Variants in HGF observed in about 807,000 individuals in gnomAD.
HGF encodes hepatocyte growth factor.
Under a neutral mutation model 111.6 loss-of-function variants are expected in HGF, and 39 were observed. That is an observed-to-expected ratio of 0.35 (90% CI 0.27 to 0.46). The LOEUF is 0.46. Among genes scored for constraint, HGF ranks in the 20% least tolerant of loss-of-function variants. HGF has a pLI of 1.00. For missense variants in HGF, 735 were observed against 910.5 expected, an observed-to-expected ratio of 0.81 and a Z score of 2.48; for synonymous variants, 285 against 294.8, an observed-to-expected ratio of 0.97 and a Z score of 0.34.
intron 5 of HGF, among the ~76,000 whole-genome samples, chr7:81,748,760 A>G (rs967407023): frequency 6.6e-6 from 1 of 152,220 alleles, no homozygotes; most frequent in Non-Finnish European, 1.5e-5. Flanking sequence ...CATCGGTTCA[A>G]TATTTGTTCT....
chr7:81,763,081 T>C (rs1789180514), intron 1 of HGF: 2 of 549,630 alleles, frequency 3.6e-6, no homozygotes, highest in Admixed American at 3.3e-5. Flanking sequence ...TAACTTGTCA[T>C]GTAGAGTCAC....
At chr7:81,735,767 C>T (rs1398273701) in intron 7 of HGF, among the ~76,000 whole-genome samples, 1 of 152,094 alleles carries the variant, frequency 6.6e-6, no homozygotes, top group African/African-American at 2.4e-5. Context: ...TATCTTCTCA[C>T]ATTGCTGGAG....
chr7:81,725,278 A>G (rs1285082956), intron 9 of HGF, among the ~76,000 whole-genome samples: 2 of 152,162 alleles, frequency 1.3e-5, no homozygotes, highest in East Asian at 1.9e-4. Context: ...ACTACTCTTC[A>G]TCTTACTTAT....
At chr7:81,758,881 T>C in intron 2 of HGF, 77 bp from the exon 3 acceptor site, 2 of 912,778 alleles carry the variant, frequency 2.2e-6, no homozygotes, top group Non-Finnish European at 3.6e-6. Context: ...ATGGTTCATC[T>C]TGTCCATGGG....
At chr7:81,758,926 A>G in intron 2 of HGF, 122 bp from the exon 3 acceptor site, 1 of 611,762 alleles carries the variant, frequency 1.6e-6, no homozygotes, top group East Asian at 2.8e-5. Context: ...GCATAATTAC[A>G]TATACATAAT....
At chr7:81,745,649 A>G (rs5745662) in intron 5 of HGF, among the ~76,000 whole-genome samples, 7,649 of 152,282 alleles carry the variant, frequency 0.05, 703 homozygotes, top group African/African-American at 0.18. Context: ...CAATTCAAAG[A>G]ATACGGATAT....
intron 17 of HGF, among the ~76,000 whole-genome samples, chr7:81,704,550 A>T (rs988053462): frequency 6.6e-6 from 1 of 151,846 alleles, no homozygotes; most frequent in Non-Finnish European, 1.5e-5. Flanking sequence ...AAAACTCAGT[A>T]AACAGTAAAC....
In HGF at chr7:81,720,536, A is replaced by G. The variant is rs2057936; in HGVS notation, c.1271+209T>C. Among the ~76,000 whole-genome samples, 1,604 of 152,356 alleles carry G rather than the reference A, an allele frequency of 0.011. 30 individuals are homozygous for G. Among genetic ancestry groups the G allele is most frequent in the African/African-American group, 0.035 (1,459 of 41,576 alleles). On this transcript the variant is annotated intron_variant, in intron 10 of 17. Coordinates refer to ENST00000222390, the MANE Select transcript of HGF (RefSeq NM_000601.6). ...ACAGAACACATAGTAAATGCTCAAT[A>G]AATATCCACTAACTTGAATTGCATA... is the stretch of plus-strand genomic sequence containing the variant.
chr7:81,749,370 A>G (rs1788399796), intron 5 of HGF, among the ~76,000 whole-genome samples: 1 of 152,172 alleles, frequency 6.6e-6, no homozygotes, highest in Admixed American at 6.5e-5. Context: ...AAGCAAGAAA[A>G]TGGATTTTGC....
At chr7:81,756,089 T>G in intron 4 of HGF, 1 of 700,732 alleles carries the variant, frequency 1.4e-6, no homozygotes, top group South Asian at 1.5e-5. Context: ...ACAGCATGGG[T>G]TCTACTGACC....
intron 1 of HGF, among the ~76,000 whole-genome samples, chr7:81,769,347 C>T (rs888716932): frequency 3.9e-5 from 6 of 152,206 alleles, no homozygotes; most frequent in African/African-American, 1.2e-4. Flanking sequence ...GAGGCTTTCT[C>T]TTTCATTTTT....
At chr7:81,722,864 T>TATATATATATATA (rs1562880116) in intron 9 of HGF, among the ~76,000 whole-genome samples, 1 of 149,370 alleles carries the variant, frequency 6.7e-6, no homozygotes, top group African/African-American at 2.5e-5. Context: ...TATATATATG[T>TATATATATATATA]TGCATTGCAA....
rs1271731128 is a variant in HGF at position 81,699,075 on chromosome 7, A to G, written c.*3506T>C. On this transcript the variant is annotated 3_prime_UTR_variant, in exon 18 of 18. Transcript: ENST00000222390. ...GGTTATAAAAATAACAACTTTATTA[A>G]CTACAGAAAGTTTATAATACAAGTC... 2.0e-5 allele frequency: 3 copies of G among 151,506 alleles called. No individual in the cohort carries two copies. The East Asian group carries it at 5.8e-4, about 29-fold the overall frequency. 9.4% of individuals were successfully genotyped at this position (151,506 alleles called of 1,614,324 possible).
At chr7:81,739,013 C>T (rs749816538) in intron 7 of HGF, among the ~76,000 whole-genome samples, 14 of 152,104 alleles carry the variant, frequency 9.2e-5, no homozygotes, top group Non-Finnish European at 1.5e-4. Flanking sequence ...GAAGAATGAA[C>T]TTAGATGTGC....
chr7:81,720,813 G>A lies in HGF; in HGVS notation c.1203C>T (p.Gly401=), dbSNP rs756489380. The A allele has an allele frequency of 5.6e-6, 9 of 1,612,372 alleles. No individual in the cohort carries two copies. The highest frequency in any genetic ancestry group is 3.3e-5 in the Admixed American group (2 of 60,006). Residue 401 remains glycine, a synonymous_variant, in exon 10 of 18, where the codon GGC becomes GGT. Coordinates refer to ENST00000222390, the MANE Select transcript of HGF (RefSeq NM_000601.6). ...CYRGNGKNYM[G]NLSQTRSGLT... is the part of the protein sequence containing the mutation. ...GTCCAGATCTTGTTTGGGATAAGTT[G>A]CCCATATAATTTTTGCCATTCCCAC...
chr7:81,735,230 G>A (rs1310131399), intron 7 of HGF, among the ~76,000 whole-genome samples: 1 of 152,062 alleles, frequency 6.6e-6, no homozygotes, highest in Non-Finnish European at 1.5e-5. Context: ...TCCATGTGAA[G>A]CCAGGATTCA....
intron 4 of HGF, chr7:81,755,150 A>G (rs1375422721): frequency 1.3e-5 from 2 of 152,100 alleles, no homozygotes; most frequent in African/African-American, 4.8e-5. Context: ...AGATGTAGAT[A>G]TCAGGTCACC....
chr7:81,729,323 G>C (rs549899812), intron 8 of HGF, among the ~76,000 whole-genome samples: 1 of 152,228 alleles, frequency 6.6e-6, no homozygotes, highest in East Asian at 1.9e-4. Flanking sequence ...GAGCAAAACT[G>C]TGATCAGAAA....
intron 11 of HGF, among the ~76,000 whole-genome samples, chr7:81,716,156 C>A (rs532493141): frequency 2.0e-5 from 3 of 152,064 alleles, no homozygotes; most frequent in Non-Finnish European, 4.4e-5. Flanking sequence ...TTGGCAATGT[C>A]TAGAGATAGT....
Sources: allele counts gnomAD v4.1 joint callset (sites outside exome capture counted in the v4.1 genomes callset), GRCh38; gene constraint gnomAD v4.1.1; transcripts MANE v1.5; gene names NCBI Gene and HGNC (gene_info 2026-07-23, HGNC 2026-07-21).